ELAPOR2: variants seen among roughly 807,000 people sequenced by gnomAD.
ELAPOR2 encodes endosome/lysosome-associated apoptosis and autophagy regulator family member 2.
Under a neutral mutation model 120.7 loss-of-function variants are expected in ELAPOR2, and 89 were observed. The ratio of observed to expected loss-of-function variants is 0.74; its 90% CI spans 0.62 to 0.88. The LOEUF is 0.88. Ranked by LOEUF, ELAPOR2 falls within the 40% of genes least tolerant of loss-of-function variation. The pLI, the probability that ELAPOR2 is intolerant of heterozygous loss-of-function variation, is 0.00. For missense variants in ELAPOR2, 1,134 were observed against 1,251.6 expected (o/e 0.91, Z 1.42); for synonymous variants, 444 against 444.9 (o/e 1.00, Z 0.03).
chr7:86,926,674 C>A, intron 9 of ELAPOR2, 62 bp downstream of exon 9: 3 of 1,416,330 alleles, frequency 2.1e-6, no homozygotes, highest in South Asian at 2.9e-5. Context: ...AGAAAATGGT[C>A]ACAGTAGTCC....
intron 1 of ELAPOR2, among the ~76,000 whole-genome samples, chr7:87,036,021 T>A (rs1794577177): frequency 6.6e-6 from 1 of 152,192 alleles, no homozygotes; most frequent in African/African-American, 2.4e-5. Context: ...AAATTAGATA[T>A]TAAGCACAAA....
At chr7:86,940,148 G>C (rs766532965) in intron 5 of ELAPOR2, 33 bp from the exon 6 acceptor site, 129 of 1,360,260 alleles carry the variant, frequency 9.5e-5, no homozygotes, top group Middle Eastern at 3.6e-4. Flanking sequence ...ACTTAGGGCA[G>C]ATAAGCCATG....
chr7:87,040,455 C>A (rs1004051046), intron 1 of ELAPOR2, among the ~76,000 whole-genome samples: 3 of 152,218 alleles, frequency 2.0e-5, no homozygotes, highest in African/African-American at 7.2e-5. Context: ...TCAAGTGGGT[C>A]CCTGACCCCC....
intron 18 of ELAPOR2, among the ~76,000 whole-genome samples, chr7:86,902,822 T>C (rs1250934601): frequency 6.6e-6 from 1 of 152,128 alleles, no homozygotes; most frequent in Non-Finnish European, 1.5e-5. Context: ...TGGCTGAGTC[T>C]TTTTCCTTTT....
rs1790085613 is a variant in ELAPOR2, at chr7:86,926,773, A to T, written c.1233T>A (p.His411Gln). Residue 411 changes from histidine to glutamine, a missense_variant, in exon 9 of 22, where the codon CAT becomes CAA. This residue lies in a region of ELAPOR2 where 831 missense variants were observed against 867.6 expected (regional missense o/e 0.96). Coordinates refer to ENST00000450689, the MANE Select transcript of ELAPOR2 (RefSeq NM_001142749.3). ...GFYNNGSSSC[H>Q]PCPPGTFSDG... ...CTGAAAATGTTCCAGGAGGACAGGG[A>T]TGGCAAGAAGATGATCCATTGTTAT... 1 of 1,611,778 alleles carries T rather than the reference A, an allele frequency of 6.2e-7. No homozygotes were observed. Among genetic ancestry groups the T allele is most frequent in the South Asian group, 1.1e-5 (1 of 90,846 alleles).
At chr7:87,051,945 G>A (rs1212667708) in intron 1 of ELAPOR2, among the ~76,000 whole-genome samples, 1 of 152,212 alleles carries the variant, frequency 6.6e-6, no homozygotes, top group African/African-American at 2.4e-5. Flanking sequence ...CCAGCATCTT[G>A]CATAATTCCT....
Position 86,932,420 on chromosome 7 carries a change from G to T in ELAPOR2, c.1090-5504C>A, listed in dbSNP as rs1457533166. ...AACATATTTTTAAAATTCATTACTA[G>T]AGAATGTATAATCATCCCCAAGCAC... On this transcript the variant is annotated intron_variant, in intron 8 of 21. Coordinates refer to ENST00000450689, the MANE Select transcript of ELAPOR2 (RefSeq NM_001142749.3). Among the ~76,000 whole-genome samples the T allele has an allele frequency of 2.6e-5, 4 of 151,806 alleles. 1 individual carries two copies. The highest frequency in any genetic ancestry group is 9.7e-5 in the African/African-American group (4 of 41,346).
intron 1 of ELAPOR2, among the ~76,000 whole-genome samples, chr7:87,003,672 T>A (rs1404187333): frequency 6.6e-6 from 1 of 152,130 alleles, no homozygotes; most frequent in Non-Finnish European, 1.5e-5. Context: ...TAGGTCTTTA[T>A]AACAATGTGA....
In ELAPOR2 at chr7:86,926,760, C is replaced by T. The variant is rs1554389207; in HGVS notation, c.1246G>A (p.Gly416Arg). 3 of 1,609,160 alleles carry T rather than the reference C, an allele frequency of 1.9e-6. No homozygotes were observed. The highest frequency in any genetic ancestry group is 2.5e-6 in the Non-Finnish European group (3 of 1,177,738). ...CCTTTGGTTCCATCTGAAAATGTTC[C>T]AGGAGGACAGGGATGGCAAGAAGAT... ...GSSSCHPCPP[G>R]TFSDGTKECR... Residue 416 changes from glycine (G) to arginine (R), a missense_variant, in exon 9 of 22, where the codon GGA becomes AGA. Physicochemically the swap from Gly to Arg is moderately radical, Grantham distance 125. Around this residue, in one of 3 missense-constraint regions of ELAPOR2, gnomAD observed 831 missense variants for 867.6 expected, o/e 0.96. Coordinates refer to ENST00000450689, the MANE Select transcript of ELAPOR2 (RefSeq NM_001142749.3).
chr7:87,011,885 C>T (rs764413777), intron 1 of ELAPOR2, among the ~76,000 whole-genome samples: 2 of 152,084 alleles, frequency 1.3e-5, no homozygotes, highest in Non-Finnish European at 2.9e-5. Context: ...GAAATATAAG[C>T]TATAAATGCA....
intron 2 of ELAPOR2, among the ~76,000 whole-genome samples, chr7:86,951,326 A>T (rs1442275403): frequency 6.6e-6 from 1 of 152,252 alleles, no homozygotes; most frequent in African/African-American, 2.4e-5. Context: ...ATGGTATTTT[A>T]AGTTGATTAT....
At chr7:86,987,652 A>T (rs979821283) in intron 1 of ELAPOR2, among the ~76,000 whole-genome samples, 66 of 151,838 alleles carry the variant, frequency 4.3e-4, no homozygotes, top group South Asian at 8.3e-4. Context: ...ATGAGATACC[A>T]TCTCACGCTA....
chr7:86,902,516 G>A (rs1788773522), intron 18 of ELAPOR2, among the ~76,000 whole-genome samples: 1 of 152,084 alleles, frequency 6.6e-6, no homozygotes, highest in Non-Finnish European at 1.5e-5. Flanking sequence ...ATTTATGTGG[G>A]GAGAGCCACC....
At position 86,947,878 on chromosome 7, in the gene ELAPOR2, C is replaced by T. The variant is rs1049619813; in HGVS notation, c.355G>A (p.Val119Ile). The T allele has an allele frequency of 6.4e-7, 1 of 1,552,166 alleles. No homozygotes were observed. Among genetic ancestry groups the T allele is most frequent in the Non-Finnish European group, 8.7e-7 (1 of 1,147,090 alleles). Residue 119 changes from valine (V) to isoleucine (I), a missense_variant, in exon 3 of 22, where the codon GTA (valine) becomes ATA (isoleucine). Val to Ile is a conservative substitution (Grantham distance 29). Around this residue, in one of 3 missense-constraint regions of ELAPOR2, gnomAD observed 280 missense variants for 331.5 expected, o/e 0.84. Coordinates refer to ENST00000450689, the MANE Select transcript of ELAPOR2 (RefSeq NM_001142749.3). ...SGEYLEMKNQVCSKCGEGTYS... is the reference protein window; with the variant it reads ...SGEYLEMKNQICSKCGEGTYS... ...GTGCCTTCACCACACTTACTGCATA[C>T]CTGGTTCTTCATTTCTAGATACTCT... is the stretch of plus-strand genomic sequence containing the variant.
intron 2 of ELAPOR2, among the ~76,000 whole-genome samples, chr7:86,964,307 A>T (rs1200570599): frequency 6.6e-6 from 1 of 152,204 alleles, no homozygotes; most frequent in Non-Finnish European, 1.5e-5. Flanking sequence ...TTACATTTAC[A>T]TTTATTTCAT....
At chr7:87,042,873 T>C (rs1360281498) in intron 1 of ELAPOR2, among the ~76,000 whole-genome samples, 1 of 151,266 alleles carries the variant, frequency 6.6e-6, no homozygotes, top group Non-Finnish European at 1.5e-5. Flanking sequence ...GAAAGACTAA[T>C]AAAGACAAAA....
chr7:86,980,894 T>C lies in ELAPOR2; in HGVS notation c.190-15870A>G, dbSNP rs967377579. Among the ~76,000 whole-genome samples, 5 of 152,196 alleles carry C rather than the reference T, an allele frequency of 3.3e-5. No homozygotes were observed. In the South Asian group the frequency reaches 8.3e-4, roughly 25 times the overall value. On this transcript the variant is annotated intron_variant, in intron 1 of 21. Coordinates refer to ENST00000450689, the MANE Select transcript of ELAPOR2 (RefSeq NM_001142749.3). ...GAAAATAAAACAGCATCTCCACTGA[T>C]CCTGCATATTGGTGGCTCACCATTT...
intron 10 of ELAPOR2, among the ~76,000 whole-genome samples, chr7:86,924,957 A>G (rs1410991265): frequency 3.9e-5 from 6 of 152,102 alleles, no homozygotes; most frequent in African/African-American, 1.4e-4. Flanking sequence ...TCATTCAACC[A>G]TCACATACTG....
Position 86,988,837 on chromosome 7 carries a change from A to G in ELAPOR2, c.190-23813T>C, listed in dbSNP as rs561032922. ...CCGATCATGCAGCCTTAAACTGCACACAACTGATTCACAGTACATGTTTTG... is the reference window on the plus strand; with the variant it reads ...CCGATCATGCAGCCTTAAACTGCACGCAACTGATTCACAGTACATGTTTTG... On this transcript the variant is annotated intron_variant, in intron 1 of 21. Coordinates refer to ENST00000450689, the MANE Select transcript of ELAPOR2 (RefSeq NM_001142749.3). 2.6e-5 allele frequency among the ~76,000 whole-genome samples: 4 copies of G among 152,354 alleles called. No homozygotes were observed. The East Asian group carries it at 5.8e-4, about 22-fold the overall frequency.
Sources: gnomAD v4.1 joint callset for allele counts (sites outside exome capture counted in the v4.1 genomes callset) on GRCh38, gnomAD v4.1.1 for gene constraint, gnomAD v4.1.1 regional missense constraint, MANE v1.5 for transcripts, NCBI Gene and HGNC (gene_info 2026-07-23, HGNC 2026-07-21) for gene names.